DLC1: variants seen among roughly 807,000 people sequenced by gnomAD.
The protein encoded by DLC1 is rho GTPase-activating protein 7.
Under a neutral mutation model 140.3 loss-of-function variants are expected in DLC1, and 54 were observed. That is an observed-to-expected ratio of 0.38 (90% CI 0.31 to 0.48). The LOEUF is 0.48. Among genes scored for constraint, DLC1 ranks in the 20% least tolerant of loss-of-function variants. DLC1 has a pLI of 0.96. For missense variants in DLC1, 2,536 were observed against 1,907.0 expected, an observed-to-expected ratio of 1.33 and a Z score of -6.14; for synonymous variants, 986 against 728.1, an observed-to-expected ratio of 1.35 and a Z score of -5.70.
intron 5 of DLC1, among the ~76,000 whole-genome samples, chr8:13,264,285 C>T (rs927224998): frequency 1.3e-4 from 19 of 151,988 alleles, no homozygotes; most frequent in African/African-American, 4.4e-4. Context: ...GTTGCCCAGG[C>T]TGGTGTCGAA....
intron 1 of DLC1, among the ~76,000 whole-genome samples, chr8:13,602,545 A>C (rs1805923190): frequency 6.6e-6 from 1 of 151,974 alleles, no homozygotes; most frequent in African/African-American, 2.4e-5. Flanking sequence ...ATCAAAATAC[A>C]TGGAAATTAG....
intron 2 of DLC1, among the ~76,000 whole-genome samples, chr8:13,441,447 T>C (rs1163650033): frequency 1.3e-5 from 2 of 152,250 alleles, no homozygotes; most frequent in Non-Finnish European, 2.9e-5. Flanking sequence ...CATGATTGTA[T>C]ATCTAGAAAA....
At chr8:13,431,687 C>A (rs1053399077) in intron 2 of DLC1, among the ~76,000 whole-genome samples, 1 of 150,922 alleles carries the variant, frequency 6.6e-6, no homozygotes, top group Non-Finnish European at 1.5e-5. Flanking sequence ...AAAAAAAAAT[C>A]ATGTGTAATT....
At position 13,182,377 on chromosome 8, in the gene DLC1, A is replaced by T. The variant is rs548086771; in HGVS notation, c.1349-66720T>A. On this transcript the variant is annotated intron_variant, in intron 5 of 17. Coordinates refer to ENST00000276297, the MANE Select transcript of DLC1 (RefSeq NM_182643.3). The stretch of plus-strand genomic sequence containing the variant: ...TTGTTGCCTTTGCTTTTGGTATTTT[A>T]GTCATAAAATCCTTGCCCGTGCCTA... 1.5e-3 allele frequency among the ~76,000 whole-genome samples: 224 copies of T among 152,180 alleles called. 2 individuals carry two copies. Among genetic ancestry groups the T allele is most frequent in the Non-Finnish European group, 2.8e-3 (189 of 68,006 alleles).
At chr8:13,253,656 A>C (rs1830098865) in intron 5 of DLC1, among the ~76,000 whole-genome samples, 1 of 152,340 alleles carries the variant, frequency 6.6e-6, no homozygotes, top group African/African-American at 2.4e-5. Flanking sequence ...ATAGCAATTG[A>C]ATGCAAACAC....
Position 13,288,544 on chromosome 8 carries a change from A to G in DLC1, c.1348+16725T>C, listed in dbSNP as rs146008326. ...AATGCCTCAGATCTTCCTTTCCAGT[A>G]TTTCAATGCTTTCTTTCCCTCCTCA... On this transcript the variant is annotated intron_variant, in intron 5 of 17. Transcript: ENST00000276297. 7.5e-3 allele frequency among the ~76,000 whole-genome samples: 1,137 copies of G among 152,252 alleles called. 17 individuals are homozygous for G. Among genetic ancestry groups the G allele is most frequent in the Non-Finnish European group, 9.8e-3 (664 of 68,008 alleles).
chr8:13,393,669 C>T lies in DLC1; in HGVS notation c.1198G>A (p.Gly400Arg), dbSNP rs752050732. ...VPDLESGSES[G>R]ADTISVNQTR... Reference sequence around the variant, plus strand: ...TGATTTACTGAAATGGTATCTGCTCCACTTTCAGATCCTGATTCCAGATCC... The same window carrying T: ...TGATTTACTGAAATGGTATCTGCTCTACTTTCAGATCCTGATTCCAGATCC... Residue 400 changes from glycine to arginine, a missense_variant, in exon 4 of 18, where the codon GGA becomes AGA. Gly to Arg is a moderately radical substitution (Grantham distance 125). Transcript: ENST00000276297. The T allele has an allele frequency of 2.5e-6, 4 of 1,613,976 alleles. No individual in the cohort carries two copies. Among genetic ancestry groups the T allele is most frequent in the Non-Finnish European group, 3.4e-6 (4 of 1,179,960 alleles).
chr8:13,464,032 A>G (rs1280141204), intron 2 of DLC1, among the ~76,000 whole-genome samples: 1 of 152,224 alleles, frequency 6.6e-6, no homozygotes, highest in Non-Finnish European at 1.5e-5. Context: ...GAAAGACTCA[A>G]GATATAGGCA....
At chr8:13,288,752 A>G (rs1831638241) in intron 5 of DLC1, among the ~76,000 whole-genome samples, 1 of 152,108 alleles carries the variant, frequency 6.6e-6, no homozygotes, top group Non-Finnish European at 1.5e-5. Flanking sequence ...TTCCCCCTTT[A>G]TTGCTGGCCT....
At chr8:13,569,543 G>A (rs561883937) in intron 1 of DLC1, among the ~76,000 whole-genome samples, 1 of 151,826 alleles carries the variant, frequency 6.6e-6, no homozygotes, top group African/African-American at 2.4e-5. Context: ...TTTCCCTTTA[G>A]AATTCCCCCA....
chr8:13,528,947 C>T (rs1193397418), intron 1 of DLC1, among the ~76,000 whole-genome samples: 1 of 152,116 alleles, frequency 6.6e-6, no homozygotes, highest in Non-Finnish European at 1.5e-5. Flanking sequence ...TGTTCTATCA[C>T]CACCATGCAT....
At chr8:13,276,304 G>A in intron 5 of DLC1, 1 of 1,535,478 alleles carries the variant, frequency 6.5e-7, no homozygotes, top group Non-Finnish European at 8.7e-7. Flanking sequence ...ATGACATCCA[G>A]GGCTCTGGCC....
intron 1 of DLC1, among the ~76,000 whole-genome samples, chr8:13,532,271 AAAC>A (rs1446287775): frequency 1.3e-5 from 2 of 152,112 alleles, no homozygotes; most frequent in African/African-American, 2.4e-5. Context: ...TCCTGTCTAA[AAAC>A]AACAACAACA....
At chr8:13,268,196 C>A (rs181567996) in intron 5 of DLC1, among the ~76,000 whole-genome samples, 244 of 152,214 alleles carry the variant, frequency 1.6e-3, no homozygotes, top group Middle Eastern at 6.8e-3. Context: ...GAAAACAAGT[C>A]AGTATGTCAT....
At chr8:13,582,563 C>G (rs1323315114) in intron 1 of DLC1, among the ~76,000 whole-genome samples, 3 of 152,070 alleles carry the variant, frequency 2.0e-5, no homozygotes, top group African/African-American at 7.2e-5. Flanking sequence ...GCTTCCTACC[C>G]TTGAACATCA....
chr8:13,582,063 A>G (rs1805120294), intron 1 of DLC1, among the ~76,000 whole-genome samples: 1 of 152,000 alleles, frequency 6.6e-6, no homozygotes, highest in Non-Finnish European at 1.5e-5. Context: ...AGAAAAAACA[A>G]AGTCCACTCT....
intron 4 of DLC1, among the ~76,000 whole-genome samples, chr8:13,381,741 A>G (rs945028354): frequency 2.6e-5 from 4 of 152,176 alleles, no homozygotes; most frequent in African/African-American, 9.7e-5. Context: ...CTTGAACAAA[A>G]CACTACTGAA....
At chr8:13,144,387 T>G (rs548919561) in intron 5 of DLC1, among the ~76,000 whole-genome samples, 1 of 152,312 alleles carries the variant, frequency 6.6e-6, no homozygotes, top group African/African-American at 2.4e-5. Context: ...AGCCGTGCTA[T>G]CAGCTTCCTT....
At chr8:13,321,579 G>T (rs17193079) in intron 4 of DLC1, among the ~76,000 whole-genome samples, 7,335 of 143,894 alleles carry the variant, frequency 0.051, 271 homozygotes, top group Middle Eastern at 0.1. Flanking sequence ...AACCTAAACA[G>T]TTTAGAGCAT....
Sources: gnomAD v4.1 joint callset for allele counts (sites outside exome capture counted in the v4.1 genomes callset) on GRCh38, gnomAD v4.1.1 for gene constraint, MANE v1.5 for transcripts, NCBI Gene and HGNC (gene_info 2026-07-23, HGNC 2026-07-21) for gene names.